RALA: variants seen among roughly 807,000 people sequenced by gnomAD.
The protein encoded by RALA is RAS like proto-oncogene A.
A neutral mutation model predicts 24.0 loss-of-function variants in RALA; 5 were observed. That is an observed-to-expected ratio of 0.21 (90% CI 0.11 to 0.44). RALA has a LOEUF of 0.44. Ranked by LOEUF, RALA falls within the 20% of genes least tolerant of loss-of-function variation. The probability of loss-of-function intolerance (pLI) is 0.99; values close to 1 mark genes in which losing one functional copy is unlikely to be tolerated. For synonymous variants in RALA, 77 were observed against 83.8 expected (o/e 0.92, Z 0.44); for missense variants, 95 against 241.2 (o/e 0.39, Z 4.01).
At chr7:39,651,200 A>G (rs950219168) in intron 1 of RALA, among the ~76,000 whole-genome samples, 2 of 152,232 alleles carry the variant, frequency 1.3e-5, no homozygotes, top group African/African-American at 4.8e-5. Context: ...GCCCAACTGT[A>G]AGCTAATATA....
chr7:39,630,152 T>G (rs1478117171), intron 1 of RALA, among the ~76,000 whole-genome samples: 1 of 151,312 alleles, frequency 6.6e-6, no homozygotes, highest in African/African-American at 2.4e-5. Flanking sequence ...CAAGTGATCT[T>G]CCCACCTCAG....
At chr7:39,680,900 C>T (rs935154248) in intron 1 of RALA, among the ~76,000 whole-genome samples, 20 of 152,104 alleles carry the variant, frequency 1.3e-4, no homozygotes, top group Admixed American at 2.0e-4. Flanking sequence ...CCGGCTCCCT[C>T]GCAAAATTAT....
rs1303037166 is a variant in RALA, at chr7:39,706,478, G to C, written c.*233G>C. ...TTTCATAATTGCCTACATTTATCAT[G>C]GTCCTGAATGTAGCGTGTAAGCTTG... On this transcript the variant is annotated 3_prime_UTR_variant, in exon 5 of 5. Coordinates refer to ENST00000005257, the MANE Select transcript of RALA (RefSeq NM_005402.4). 2.4e-6 allele frequency: 1 copy of C among 413,258 alleles called. No individual in the cohort carries two copies. Among genetic ancestry groups the C allele is most frequent in the African/African-American group, 2.1e-5 (1 of 47,692 alleles). 25.6% of individuals were successfully genotyped at this position (413,258 alleles called of 1,614,324 possible).
intron 1 of RALA, among the ~76,000 whole-genome samples, chr7:39,634,347 G>T (rs1018378659): frequency 2.6e-5 from 4 of 152,118 alleles, no homozygotes; most frequent in African/African-American, 9.7e-5. Flanking sequence ...TCAGACTTGG[G>T]TGGGGCAGAC....
chr7:39,638,619 A>AT (rs1291847913), intron 1 of RALA, among the ~76,000 whole-genome samples: 5 of 151,874 alleles, frequency 3.3e-5, no homozygotes, highest in Admixed American at 3.3e-4. Context: ...AATTTTTTAA[A>AT]TTTTTTTGTA....
intron 1 of RALA, among the ~76,000 whole-genome samples, chr7:39,686,205 CAAAA>C (rs35214885): frequency 5.4e-5 from 5 of 93,102 alleles, no homozygotes; most frequent in Admixed American, 1.3e-4. Context: ...GACTCCGTCT[CAAAA>C]AAAAAAAAAA....
intron 1 of RALA, among the ~76,000 whole-genome samples, chr7:39,632,320 A>G (rs1421395718): frequency 2.6e-5 from 4 of 152,156 alleles, no homozygotes; most frequent in African/African-American, 4.8e-5. Flanking sequence ...GCCTTTAACT[A>G]TTTATCTAAT....
chr7:39,645,791 A>G (rs963141138), intron 1 of RALA, among the ~76,000 whole-genome samples: 1 of 152,202 alleles, frequency 6.6e-6, no homozygotes, highest in Non-Finnish European at 1.5e-5. Flanking sequence ...GAGATGCATC[A>G]GGTTGAGTTT....
chr7:39,698,163 T>C (rs182810716), intron 4 of RALA, among the ~76,000 whole-genome samples: 59 of 152,216 alleles, frequency 3.9e-4, no homozygotes, highest in Middle Eastern at 3.4e-3. Context: ...CTCTCCTGAT[T>C]CTTCTTAGGA....
Position 39,686,600 on chromosome 7 carries a change from T to A in RALA, c.-37-31T>A, listed in dbSNP as rs537901307. The A allele has an allele frequency of 3.2e-4, 388 of 1,206,024 alleles. 6 individuals are homozygous for A. In the South Asian group the frequency reaches 4.6e-3, roughly 14 times the overall value. 74.7% of individuals were successfully genotyped at this position (1,206,024 alleles called of 1,614,324 possible). ...ACTGGAATTCTAAAGAAGAATGTAC[T>A]GAGCATTACTTATTCTTTCATTCTT... On this transcript the variant is annotated intron_variant, in intron 1 of 4. Transcript: ENST00000005257.
At position 39,636,848 on chromosome 7, in the gene RALA, A is replaced by ACC. The variant is rs199983069; in HGVS notation, c.-38+13024_-38+13025insCC. ...CATTATGGTGGAGCAGGAGAGAGAC[A>ACC]CGGGGGCAAGGAAGTGCTACACTTT... is the stretch of plus-strand genomic sequence containing the variant. On this transcript the variant is annotated intron_variant, in intron 1 of 4. Coordinates refer to ENST00000005257, the MANE Select transcript of RALA (RefSeq NM_005402.4). 9.8e-3 allele frequency among the ~76,000 whole-genome samples: 1,497 copies of ACC among 152,254 alleles called. 8 individuals carry two copies. The highest frequency in any genetic ancestry group is 0.02 in the South Asian group (94 of 4,820).
chr7:39,659,624 C>T (rs1287031091), intron 1 of RALA, among the ~76,000 whole-genome samples: 3 of 152,152 alleles, frequency 2.0e-5, no homozygotes, highest in Non-Finnish European at 4.4e-5. Flanking sequence ...CAGCATCTGT[C>T]TCCCTTCACT....
At chr7:39,705,751 A>G (rs887070478) in intron 4 of RALA, among the ~76,000 whole-genome samples, 2 of 151,586 alleles carry the variant, frequency 1.3e-5, no homozygotes, top group Admixed American at 6.6e-5. Context: ...ATTATTAAAT[A>G]TAAATTAATA....
At chr7:39,634,328 G>A (rs1176365210) in intron 1 of RALA, among the ~76,000 whole-genome samples, 2 of 152,122 alleles carry the variant, frequency 1.3e-5, no homozygotes, top group Non-Finnish European at 2.9e-5. Flanking sequence ...TGCCTCACTG[G>A]TATGAAATTC....
At chr7:39,653,036 T>C (rs967113354) in intron 1 of RALA, among the ~76,000 whole-genome samples, 40 of 151,230 alleles carry the variant, frequency 2.6e-4, no homozygotes, top group African/African-American at 9.5e-4. Context: ...ATTATTATTA[T>C]TATTATTTTT....
At chr7:39,644,547 C>G (rs369614376) in intron 1 of RALA, among the ~76,000 whole-genome samples, 2 of 152,124 alleles carry the variant, frequency 1.3e-5, no homozygotes, top group East Asian at 3.9e-4. Context: ...TAGTTGCTTT[C>G]TTGTAGAGAC....
At chr7:39,702,208 G>T (rs10243051) in intron 4 of RALA, among the ~76,000 whole-genome samples, 7,684 of 152,166 alleles carry the variant, frequency 0.05, 238 homozygotes, top group Middle Eastern at 0.12. Flanking sequence ...GAGGAAAAAT[G>T]AGTCATTTTT....
At position 39,667,514 on chromosome 7, in the gene RALA, A is replaced by G. The variant is rs541745416; in HGVS notation, c.-37-19117A>G. Among the ~76,000 whole-genome samples the G allele has an allele frequency of 1.4e-4, 22 of 152,380 alleles. No individual in the cohort carries two copies. In the South Asian group the frequency reaches 3.9e-3, roughly 27 times the overall value. ...CAGGGCGAAGGAAGGGCTACCCAGC[A>G]TTCCCGTGAGGGAGGCCTGTAGGGG... On this transcript the variant is annotated intron_variant, in intron 1 of 4. Transcript: ENST00000005257.
intron 1 of RALA, among the ~76,000 whole-genome samples, chr7:39,666,913 A>T (rs1440969382): frequency 1.3e-5 from 2 of 152,156 alleles, no homozygotes; most frequent in Admixed American, 1.3e-4. Context: ...CTTCTTATAA[A>T]TTTTGAGTTT....
Sources: gnomAD v4.1 joint callset for allele counts (sites outside exome capture counted in the v4.1 genomes callset) on GRCh38, gnomAD v4.1.1 for gene constraint, MANE v1.5 for transcripts, NCBI Gene and HGNC (gene_info 2026-07-23, HGNC 2026-07-21) for gene names.